The following BMPER variants were observed in gnomAD, a reference collection of about 807,000 sequenced individuals.
BMPER encodes BMP binding endothelial regulator, also known as BMP-binding endothelial regulator protein.
In BMPER, 45 loss-of-function variants were observed where a neutral mutation model predicts 87.3. The ratio of observed to expected loss-of-function variants is 0.52; its 90% CI spans 0.41 to 0.66. The LOEUF is 0.66. Among genes scored for constraint, BMPER ranks in the 30% least tolerant of loss-of-function variants. BMPER has a pLI of 0.00. For missense variants in BMPER, 784 were observed against 867.5 expected, an observed-to-expected ratio of 0.90 and a Z score of 1.21; for synonymous variants, 326 against 316.2, an observed-to-expected ratio of 1.03 and a Z score of -0.33.
chr7:34,041,293 A>G (rs193192651), intron 6 of BMPER, among the ~76,000 whole-genome samples: 1 of 152,124 alleles, frequency 6.6e-6, no homozygotes, highest in Non-Finnish European at 1.5e-5. Context: ...GTAAAATGAT[A>G]AAAGTACCTA....
chr7:33,957,371 A>G (rs1785171908), intron 3 of BMPER, among the ~76,000 whole-genome samples: 1 of 150,492 alleles, frequency 6.6e-6, no homozygotes, highest in Non-Finnish European at 1.5e-5. Context: ...TACATACTAG[A>G]TGATCCCTTT....
At chr7:34,022,897 G>A (rs779143466) in intron 6 of BMPER, among the ~76,000 whole-genome samples, 1 of 151,936 alleles carries the variant, frequency 6.6e-6, no homozygotes. Flanking sequence ...GAAGTAAAAA[G>A]TGGACAGTAA....
At chr7:34,045,651 G>A (rs1418111868) in intron 6 of BMPER, among the ~76,000 whole-genome samples, 3 of 152,180 alleles carry the variant, frequency 2.0e-5, no homozygotes, top group Non-Finnish European at 4.4e-5. Flanking sequence ...GATTTGGATA[G>A]CGTGGTGAAT....
chr7:34,025,860 C>T (rs763821754), intron 6 of BMPER, among the ~76,000 whole-genome samples: 4 of 151,962 alleles, frequency 2.6e-5, no homozygotes, highest in African/African-American at 4.8e-5. Flanking sequence ...ACTGCCTGTT[C>T]GTTTTTTGCA....
chr7:33,916,265 A>G lies in BMPER; in HGVS notation c.219+9362A>G, dbSNP rs550679892. Among the ~76,000 whole-genome samples the G allele has an allele frequency of 3.3e-5, 5 of 152,240 alleles. No individual in the cohort carries two copies. The East Asian group carries it at 9.7e-4, about 29-fold the overall frequency. On this transcript the variant is annotated intron_variant, in intron 2 of 14. Transcript: ENST00000649409. ...TTGCTCCTCTATTTTTTCTTTTCAA[A>G]GCTTCACCTGCTTAACTTGTGCCAA... is the stretch of plus-strand genomic sequence containing the variant.
chr7:33,937,513 G>GTGTGTGT (rs1784634851), intron 3 of BMPER, 125 bp downstream of exon 3: 7 of 734,388 alleles, frequency 9.5e-6, no homozygotes, highest in Non-Finnish European at 1.6e-5. Flanking sequence ...GGAGAAGTAG[G>GTGTGTGT]GTGTGTGTGT....
intron 2 of BMPER, among the ~76,000 whole-genome samples, chr7:33,931,442 A>T (rs1784479662): frequency 6.6e-6 from 1 of 152,236 alleles, no homozygotes; most frequent in African/African-American, 2.4e-5. Context: ...GTGAGGATTA[A>T]TGAAATAATG....
At chr7:33,970,453 C>T (rs779324093) in intron 5 of BMPER, 34 bp downstream of exon 5, 31 of 1,595,064 alleles carry the variant, frequency 1.9e-5, no homozygotes, top group Non-Finnish European at 2.5e-5. Flanking sequence ...CTGGAAATCT[C>T]TGTGTGTTCT....
chr7:33,957,023 AG>A (rs948445414), intron 3 of BMPER, among the ~76,000 whole-genome samples: 8 of 152,208 alleles, frequency 5.3e-5, no homozygotes, highest in Non-Finnish European at 1.0e-4. Context: ...CCTGGAAGTC[AG>A]TATGACAGTT....
intron 6 of BMPER, among the ~76,000 whole-genome samples, chr7:33,977,384 A>G (rs950083246): frequency 1.2e-4 from 18 of 152,110 alleles, no homozygotes; most frequent in African/African-American, 4.3e-4. Flanking sequence ...GCCTGGAGGC[A>G]TGGAGTTTAG....
chr7:34,059,946 C>G (rs1419157024), intron 10 of BMPER, among the ~76,000 whole-genome samples: 3 of 152,084 alleles, frequency 2.0e-5, no homozygotes, highest in African/African-American at 7.2e-5. Flanking sequence ...GTGAGAAGGG[C>G]TATGAGGGCT....
In BMPER at chr7:34,085,910, C is replaced by T; in HGVS notation, c.1563C>T (p.Asp521=). 6.2e-7 allele frequency: 1 copy of T among 1,614,164 alleles called. No homozygotes were observed. The highest frequency in any genetic ancestry group is 8.5e-7 in the Non-Finnish European group (1 of 1,180,038). ...GDGNFKFDVD[D]FAESWRVESN... ...GAAACTTCAAGTTTGATGTGGATGA[C>T]TTTGCTGAATCTTGGAGGGTGGAGT... The change falls in exon 13 of 15, where the codon GAC becomes GAT. Residue 521 remains aspartate (D), a synonymous_variant. Transcript: ENST00000649409.
At chr7:33,959,123 T>C (rs1352524146) in intron 3 of BMPER, among the ~76,000 whole-genome samples, 2 of 152,178 alleles carry the variant, frequency 1.3e-5, no homozygotes, top group African/African-American at 4.8e-5. Context: ...TTCTTTTCAT[T>C]ACACATTACC....
chr7:33,997,319 C>G (rs1171256958), intron 6 of BMPER, among the ~76,000 whole-genome samples: 1 of 152,138 alleles, frequency 6.6e-6, no homozygotes, highest in Non-Finnish European at 1.5e-5. Flanking sequence ...GCTCTGTGTC[C>G]CAACTCAAAT....
intron 13 of BMPER, among the ~76,000 whole-genome samples, chr7:34,133,986 A>C (rs779098279): frequency 3.9e-5 from 6 of 152,170 alleles, no homozygotes; most frequent in African/African-American, 7.2e-5. Context: ...GTGACGTTCG[A>C]TGTAGTACAT....
intron 2 of BMPER, among the ~76,000 whole-genome samples, chr7:33,924,326 A>G (rs1784306082): frequency 6.6e-6 from 1 of 152,274 alleles, no homozygotes; most frequent in South Asian, 2.1e-4. Context: ...ATTTGAAAGT[A>G]TACAAATTAT....
intron 6 of BMPER, among the ~76,000 whole-genome samples, chr7:33,977,215 G>T (rs1462076182): frequency 1.3e-5 from 2 of 151,890 alleles, no homozygotes; most frequent in Non-Finnish European, 2.9e-5. Flanking sequence ...TTTGTAGCTT[G>T]TTGGTAAAAT....
In BMPER at chr7:33,966,577, TTC is replaced by T. The variant is rs781507632; in HGVS notation, c.402+23_402+24del. On this transcript the variant is annotated intron_variant, in intron 4 of 14. Coordinates refer to ENST00000649409, the MANE Select transcript of BMPER (RefSeq NM_001365308.1). Reference sequence around the variant, plus strand: ...CCAGTGCCAGGTAAAGTTCAATTATTTCTCTCTCCAGTAAAAAGGAATCCATA... The same window carrying T: ...CCAGTGCCAGGTAAAGTTCAATTATTTCTCTCCAGTAAAAAGGAATCCATA... The T allele has an allele frequency of 1.2e-5, 19 of 1,610,606 alleles. 1 individual carries two copies. The African/African-American group carries it at 2.1e-4, about 18-fold the overall frequency.
chr7:34,088,374 G>A (rs930499139), intron 13 of BMPER, among the ~76,000 whole-genome samples: 1 of 152,244 alleles, frequency 6.6e-6, no homozygotes, highest in African/African-American at 2.4e-5. Flanking sequence ...AGAGTGGCCA[G>A]TGTTGGCCAG....
Sources: allele counts gnomAD v4.1 joint callset (sites outside exome capture counted in the v4.1 genomes callset), GRCh38; gene constraint gnomAD v4.1.1; transcripts MANE v1.5; gene names NCBI Gene and HGNC (gene_info 2026-07-23, HGNC 2026-07-21).